Variants in DSTYK observed in about 807,000 individuals in gnomAD.
The protein encoded by DSTYK is RIP-homologous kinase.
Under a neutral mutation model 98.7 loss-of-function variants are expected in DSTYK, and 34 were observed. The observed-to-expected ratio is 0.34, with a 90% CI of 0.26 to 0.46. The LOEUF (loss-of-function observed/expected upper bound fraction) is 0.46, where lower values mean the gene tolerates loss of function less well. Ranked by LOEUF, DSTYK falls within the 20% of genes least tolerant of loss-of-function variation. The pLI, the probability that DSTYK is intolerant of heterozygous loss-of-function variation, is 1.00. For synonymous variants in DSTYK, 462 were observed against 457.3 expected, an observed-to-expected ratio of 1.01 and a Z score of -0.13; for missense variants, 962 against 1,181.7, an observed-to-expected ratio of 0.81 and a Z score of 2.73.
At chr1:205,175,783 T>C (rs539947982) in intron 2 of DSTYK, among the ~76,000 whole-genome samples, 1 of 152,318 alleles carries the variant, frequency 6.6e-6, no homozygotes, top group African/African-American at 2.4e-5. Flanking sequence ...GTTTCATGGA[T>C]GGCTATATAC....
chr1:205,145,756 CAG>C lies in DSTYK; in HGVS notation c.*1800_*1801del, dbSNP rs931039306. ...GTTTTACAAACTCTCGGGCTGAACA[CAG>C]GGGCCAGACCACAGTTATTGGGGAT... On this transcript the variant is annotated 3_prime_UTR_variant, in exon 13 of 13. Transcript: ENST00000367162. 1.3e-5 allele frequency: 2 copies of C among 152,038 alleles called. No homozygotes were observed. Among genetic ancestry groups the C allele is most frequent in the African/African-American group, 2.4e-5 (1 of 41,388 alleles). The allele number at this position is 152,038 out of a possible 1,614,324, so 9.4% of individuals were successfully genotyped here. A position where few individuals can be genotyped will look rare whatever the true frequency, so the allele number is the denominator to read the frequency against.
rs1325138395 is a variant in DSTYK, at chr1:205,145,527, TTTTTTTTTTG to T, written c.*2021_*2030del. On this transcript the variant is annotated 3_prime_UTR_variant, in exon 13 of 13. Transcript: ENST00000367162. ...TGTGCGACTCATCTTTGTTTTTTGT[TTTTTTTTTTG>T]TTTTTTTTTGAGATAGAGTCTCGCT... 1 of 134,596 alleles carries T rather than the reference TTTTTTTTTTG, an allele frequency of 7.4e-6. No homozygotes were observed. The highest frequency in any genetic ancestry group is 2.5e-5 in the African/African-American group (1 of 39,808). The allele number at this position is 134,596 out of a possible 1,614,324, so 8.3% of individuals were successfully genotyped here.
chr1:205,197,855 A>C (rs1393355850), intron 1 of DSTYK, among the ~76,000 whole-genome samples: 1 of 152,206 alleles, frequency 6.6e-6, no homozygotes, highest in Non-Finnish European at 1.5e-5. Context: ...TCCAGTATAG[A>C]ACAGTCTGAT....
intron 2 of DSTYK, among the ~76,000 whole-genome samples, chr1:205,186,832 C>G (rs1558619066): frequency 6.6e-6 from 1 of 152,206 alleles, no homozygotes; most frequent in Non-Finnish European, 1.5e-5. Context: ...AGATACTCTT[C>G]AAATAACAGG....
At chr1:205,202,366 C>T (rs182405589) in intron 1 of DSTYK, 77 of 726,042 alleles carry the variant, frequency 1.1e-4, no homozygotes, top group Admixed American at 8.5e-4. Flanking sequence ...CAGCATGTAC[C>T]ATTCCAACAT....
chr1:205,144,009 A>G lies in DSTYK; in HGVS notation c.*3549T>C, dbSNP rs1657147366. On this transcript the variant is annotated 3_prime_UTR_variant, in exon 13 of 13. Transcript: ENST00000367162. ...GAAGCGCTTGCTCAGTCAATGAGCT[A>G]CTCTTTGCAGAGGATCAGGGAACTA... 1.3e-5 allele frequency: 2 copies of G among 152,458 alleles called. No individual in the cohort carries two copies. The highest frequency in any genetic ancestry group is 1.3e-4 in the Admixed American group (2 of 15,262). The allele number at this position is 152,458 out of a possible 1,614,324, so 9.4% of individuals were successfully genotyped here.
Position 205,160,220 on chromosome 1 carries a change from A to G in DSTYK, c.1999T>C (p.Tyr667His). 2.5e-6 allele frequency: 4 copies of G among 1,614,174 alleles called. No individual in the cohort carries two copies. The highest frequency in any genetic ancestry group is 3.4e-6 in the Non-Finnish European group (4 of 1,180,022). The change falls in exon 8 of 13, where the codon TAC becomes CAC. Residue 667 changes from tyrosine (Y) to histidine (H), a missense_variant. This residue lies in a region of DSTYK where 660 missense variants were observed against 855.0 expected (regional missense o/e 0.77). Coordinates refer to ENST00000367162, the MANE Select transcript of DSTYK (RefSeq NM_015375.3). ...TGTCCTCCCCAGTTGTCACACAGGT[A>G]TACCACACCATACTGGCCCCGGCCC... The part of the protein sequence containing the change: ...ELGRGQYGVV[Y>H]LCDNWGGHFP...
chr1:205,163,594 A>C (rs1000639847), intron 4 of DSTYK, 129 bp downstream of exon 4: 3 of 821,184 alleles, frequency 3.7e-6, no homozygotes, highest in South Asian at 1.7e-5. Flanking sequence ...ACAGGAAAAC[A>C]AAATAAAATT....
intron 3 of DSTYK, among the ~76,000 whole-genome samples, chr1:205,166,908 C>T (rs1226864274): frequency 6.6e-6 from 1 of 152,208 alleles, no homozygotes; most frequent in African/African-American, 2.4e-5. Context: ...ATACAAGAGT[C>T]TGTGTTATTT....
chr1:205,154,953 G>C (rs1202459533), intron 10 of DSTYK, among the ~76,000 whole-genome samples: 1 of 149,750 alleles, frequency 6.7e-6, no homozygotes, highest in Admixed American at 6.8e-5. Flanking sequence ...GATGACTCAG[G>C]GTATCTGGTG....
Position 205,169,956 on chromosome 1 carries a change from G to T in DSTYK, c.655-124C>A. The T allele has an allele frequency of 1.1e-6, 1 of 877,102 alleles. No individual in the cohort carries two copies. Among genetic ancestry groups the T allele is most frequent in the Non-Finnish European group, 1.7e-6 (1 of 588,906 alleles). The allele number at this position is 877,102 out of a possible 1,614,324, so 54.3% of individuals were successfully genotyped here. A position where few individuals can be genotyped will look rare whatever the true frequency, so the allele number is the denominator to read the frequency against. ...GGAACAATTGGACTTCGGTACCCCA[G>T]CCATTGATCCACCTCCTTCCTCGGT... is the stretch of plus-strand genomic sequence containing the variant. On this transcript the variant is annotated intron_variant, in intron 2 of 12. Coordinates refer to ENST00000367162, the MANE Select transcript of DSTYK (RefSeq NM_015375.3). The surrounding 1 kb of genome is among the most constrained non-coding windows in gnomAD (Gnocchi z 4.0).
chr1:205,181,979 T>G (rs531620708), intron 2 of DSTYK, among the ~76,000 whole-genome samples: 2 of 152,200 alleles, frequency 1.3e-5, no homozygotes, highest in Non-Finnish European at 2.9e-5. Context: ...TAAAATTTTA[T>G]GTAAACTTGT....
chr1:205,143,962 G>A lies in DSTYK; in HGVS notation c.*3596C>T, dbSNP rs1282017005. On this transcript the variant is annotated 3_prime_UTR_variant, in exon 13 of 13. Transcript: ENST00000367162. ...TCAAAAGTGACTCTCTTTGGTCTGG[G>A]AACAACCAGCACAGTCCTCCTGAAG... 2.0e-5 allele frequency: 3 copies of A among 152,726 alleles called. No homozygotes were observed. In the East Asian group the frequency reaches 5.8e-4, roughly 29 times the overall value. 9.5% of individuals were successfully genotyped at this position (152,726 alleles called of 1,614,324 possible).
intron 3 of DSTYK, among the ~76,000 whole-genome samples, chr1:205,164,182 G>C (rs1657817902): frequency 6.6e-6 from 1 of 152,188 alleles, no homozygotes; most frequent in Non-Finnish European, 1.5e-5. Flanking sequence ...TCCAGGTGCA[G>C]TGATTCACGC....
intron 2 of DSTYK, among the ~76,000 whole-genome samples, chr1:205,174,841 G>A (rs1251524832): frequency 1.4e-5 from 2 of 140,406 alleles, no homozygotes; most frequent in Non-Finnish European, 3.1e-5. Flanking sequence ...AGGTTCAAGC[G>A]ATTCTCCTGC....
At chr1:205,166,328 T>C (rs2102408452) in intron 3 of DSTYK, among the ~76,000 whole-genome samples, 1 of 152,278 alleles carries the variant, frequency 6.6e-6, no homozygotes, top group Non-Finnish European at 1.5e-5. Flanking sequence ...ACATATGCAT[T>C]GTCTTTATTT....
chr1:205,149,139 C>T (rs1341952609), intron 11 of DSTYK, among the ~76,000 whole-genome samples: 2 of 151,546 alleles, frequency 1.3e-5, no homozygotes, highest in Non-Finnish European at 2.9e-5. Context: ...TGACCTCAGG[C>T]GATCCACCTG....
intron 2 of DSTYK, among the ~76,000 whole-genome samples, chr1:205,172,687 G>A (rs1233741351): frequency 6.6e-6 from 1 of 152,034 alleles, no homozygotes; most frequent in Non-Finnish European, 1.5e-5. Flanking sequence ...AAAGAACTAT[G>A]CTATATTCTC....
rs1558631466 is a variant in DSTYK, at chr1:205,209,649, T to TATCCAAACCA, written c.265+1621_265+1622insTGGTTTGGAT. ...GGGGGATGACTAGTTTTTCTGAAAC[T>TATCCAAACCA]ACTAGTTTTTCTGATACTGTCATGA... On this transcript the variant is annotated intron_variant, in intron 1 of 12. Coordinates refer to ENST00000367162, the MANE Select transcript of DSTYK (RefSeq NM_015375.3). Among the ~76,000 whole-genome samples, 11 of 46,624 alleles carry TATCCAAACCA rather than the reference T, an allele frequency of 2.4e-4. 3 individuals carry two copies. The highest frequency in any genetic ancestry group is 1.8e-3 in the East Asian group (2 of 1,088). The allele number at this position is 46,624 out of a possible 152,430, so 30.6% of individuals were successfully genotyped here.
Sources: allele counts gnomAD v4.1 joint callset (sites outside exome capture counted in the v4.1 genomes callset), GRCh38; gene constraint gnomAD v4.1.1; regional missense constraint gnomAD v4.1.1; non-coding constraint Gnocchi (gnomAD v3.1); transcripts MANE v1.5; gene names NCBI Gene and HGNC (gene_info 2026-07-23, HGNC 2026-07-21).